TSNARE1: variants seen among roughly 807,000 people sequenced by gnomAD.
TSNARE1 encodes the protein t-SNARE domain-containing protein 1.
Under a neutral mutation model 62.0 loss-of-function variants are expected in TSNARE1, and 49 were observed. The ratio of observed to expected loss-of-function variants is 0.79; its 90% CI spans 0.63 to 1.00. The LOEUF is 1.00. TSNARE1 is among the 50% of genes least tolerant of loss of function. The probability of loss-of-function intolerance (pLI) is 0.00; values close to 1 mark genes in which losing one functional copy is unlikely to be tolerated. For synonymous variants in TSNARE1, 328 were observed against 294.4 expected, an observed-to-expected ratio of 1.11 and a Z score of -1.17; for missense variants, 755 against 700.1, an observed-to-expected ratio of 1.08 and a Z score of -0.88.
At chr8:142,212,503 G>A (rs933700161) in intron 13 of TSNARE1, among the ~76,000 whole-genome samples, 190 bp from the exon 14 acceptor site, 11 of 151,974 alleles carry the variant, frequency 7.2e-5, no homozygotes, top group African/African-American at 2.7e-4. Flanking sequence ...CCTGGCCCTG[G>A]TCAGGCTCCA....
rs139863327 is a variant in TSNARE1 at position 142,370,547 on chromosome 8, GAC to G, written c.-39-15786_-39-15785del. Among the ~76,000 whole-genome samples, 1,297 of 152,230 alleles carry G rather than the reference GAC, an allele frequency of 8.5e-3. 12 individuals carry two copies. The highest frequency in any genetic ancestry group is 0.011 in the Non-Finnish European group (726 of 68,020). On this transcript the variant is annotated intron_variant, in intron 1 of 13. Transcript: ENST00000524325. ...AGCACCACCGCACTCCAGCCTGGGGGACAGAGTGAGATCCTGTCTCAAAAACA... is the reference window on the plus strand; with the variant it reads ...AGCACCACCGCACTCCAGCCTGGGGGAGAGTGAGATCCTGTCTCAAAAACA...
intron 12 of TSNARE1, among the ~76,000 whole-genome samples, chr8:142,243,313 G>A (rs1488862773): frequency 1.3e-5 from 2 of 152,142 alleles, no homozygotes; most frequent in African/African-American, 2.4e-5. Flanking sequence ...CATGTTTATC[G>A]CTGCCCTATT....
chr8:142,292,446 G>A (rs761557097), intron 10 of TSNARE1, among the ~76,000 whole-genome samples: 3 of 152,204 alleles, frequency 2.0e-5, no homozygotes, highest in African/African-American at 4.8e-5. Context: ...AGAATTGGAC[G>A]AGGGAGACGT....
rs982825012 is a variant in TSNARE1, at chr8:142,230,604, G to A, written c.1447-1025C>T. Among the ~76,000 whole-genome samples the A allele has an allele frequency of 3.9e-5, 6 of 152,012 alleles. No individual in the cohort carries two copies. The East Asian group carries it at 1.2e-3, about 29-fold the overall frequency. On this transcript the variant is annotated intron_variant, in intron 12 of 13. Coordinates refer to ENST00000524325, the MANE Select transcript of TSNARE1 (RefSeq NM_145003.5). ...GCCTAGGGGAGGGTAGAGAAGGGAG[G>A]GTAAGATGGAACAGAGTCAAAACCA... is the stretch of plus-strand genomic sequence containing the variant.
chr8:142,304,569 G>A (rs1396257172), intron 9 of TSNARE1, among the ~76,000 whole-genome samples: 1 of 152,240 alleles, frequency 6.6e-6, no homozygotes. Flanking sequence ...TAAGGTGTGA[G>A]GGCTCAGGAA....
rs529771377 is a variant in TSNARE1, at chr8:142,223,512, CCACT to C, written c.*11+5957_*11+5960del. Among the ~76,000 whole-genome samples the C allele has an allele frequency of 1.9e-3, 253 of 135,088 alleles. 32 individuals are homozygous for C. Among genetic ancestry groups the C allele is most frequent in the Middle Eastern group, 5.7e-3 (1 of 176 alleles). The allele number at this position is 135,088 out of a possible 152,430, so 88.6% of individuals were successfully genotyped here. A position where few individuals can be genotyped will look rare whatever the true frequency, so the allele number is the denominator to read the frequency against. On this transcript the variant is annotated intron_variant, in intron 13 of 13. Transcript: ENST00000524325. The stretch of plus-strand genomic sequence containing the variant: ...CTCATTCACTCACTCACTCATTTAT[CCACT>C]CACTCACTCACTCATTCACTCATTC...
In TSNARE1 at chr8:142,229,510, T is replaced by A. The variant is rs994056730; in HGVS notation, c.1516A>T (p.Ile506Phe). The A allele has an allele frequency of 1.2e-6, 2 of 1,613,902 alleles. No homozygotes were observed. The highest frequency in any genetic ancestry group is 2.2e-5 in the East Asian group (1 of 44,876). The part of the protein sequence containing the change: ...GVTALLVIII[I>F]IATSVRK ...CACTTTCGGACAGAGGTGGCGATGA[T>A]GATGATGATGACAAGCAGGGCAGTG... The change falls in exon 13 of 14, where the codon ATC becomes TTC. Residue 506 changes from isoleucine (I) to phenylalanine (F), a missense_variant. By Grantham distance (21) the Ile-to-Phe change is conservative. Coordinates refer to ENST00000524325, the MANE Select transcript of TSNARE1 (RefSeq NM_145003.5).
intron 10 of TSNARE1, among the ~76,000 whole-genome samples, chr8:142,299,497 G>A (rs938198820): frequency 1.3e-5 from 2 of 152,246 alleles, no homozygotes; most frequent in Non-Finnish European, 2.9e-5. Context: ...AAGGTCACAC[G>A]CAGAGGCTCG....
At chr8:142,238,714 T>C (rs1180196126) in intron 12 of TSNARE1, among the ~76,000 whole-genome samples, 3 of 101,334 alleles carry the variant, frequency 3.0e-5, no homozygotes, top group African/African-American at 8.9e-5. Flanking sequence ...CATGCACACC[T>C]GCCCCTGCAC....
intron 1 of TSNARE1, among the ~76,000 whole-genome samples, chr8:142,396,246 C>T (rs1055940899): frequency 1.3e-5 from 2 of 152,128 alleles, no homozygotes; most frequent in African/African-American, 4.8e-5. Context: ...CACACACACA[C>T]ACACGCACAC....
intron 12 of TSNARE1, among the ~76,000 whole-genome samples, chr8:142,233,774 TG>T (rs1470526141): frequency 6.6e-6 from 1 of 152,200 alleles, no homozygotes; most frequent in Non-Finnish European, 1.5e-5. Flanking sequence ...CTCTGCCTGC[TG>T]GCTCTTCATC....
At chr8:142,241,727 A>C (rs955686975) in intron 12 of TSNARE1, among the ~76,000 whole-genome samples, 12 of 152,364 alleles carry the variant, frequency 7.9e-5, no homozygotes, top group Middle Eastern at 3.4e-3. Flanking sequence ...AATCTTTGGC[A>C]AAGTTGTCAC....
chr8:142,372,239 C>G (rs1835967477), intron 1 of TSNARE1, among the ~76,000 whole-genome samples: 1 of 152,236 alleles, frequency 6.6e-6, no homozygotes, highest in Non-Finnish European at 1.5e-5. Context: ...GCACGACAGA[C>G]AGAGGATGGG....
chr8:142,256,407 C>T (rs969343213), intron 12 of TSNARE1, among the ~76,000 whole-genome samples: 6 of 149,516 alleles, frequency 4.0e-5, no homozygotes, highest in African/African-American at 7.4e-5. Context: ...CCAGCAGCAA[C>T]CACCATCATT....
At chr8:142,403,785 A>C (rs934284438), upstream of TSNARE1, 1 of 152,180 alleles carries the variant, frequency 6.6e-6, no homozygotes. Context: ...GCTGAAGTGC[A>C]GAGTAGGGAG....
At chr8:142,293,996 AGGGACAGGGGCAGGGGCAGCT>A (rs371842102) in intron 10 of TSNARE1, among the ~76,000 whole-genome samples, 5 of 152,292 alleles carry the variant, frequency 3.3e-5, no homozygotes, top group African/African-American at 9.6e-5. Flanking sequence ...CTGGAGGGGC[AGGGACAGGGGCAGGGGCAGCT>A]GGGACAGGGG....
chr8:142,288,708 C>T (rs1274970471), intron 10 of TSNARE1, among the ~76,000 whole-genome samples: 1 of 152,268 alleles, frequency 6.6e-6, no homozygotes, highest in African/African-American at 2.4e-5. Context: ...TGGGCTGGGG[C>T]TGCTGCCGGG....
intron 13 of TSNARE1, among the ~76,000 whole-genome samples, chr8:142,226,777 G>T (rs751164967): frequency 6.6e-6 from 1 of 152,124 alleles, no homozygotes; most frequent in Non-Finnish European, 1.5e-5. Flanking sequence ...GAAGCAGCAG[G>T]GGTCAAGAAG....
upstream of TSNARE1, chr8:142,403,217 T>C (rs934542036): frequency 1.4e-5 from 2 of 147,810 alleles, no homozygotes; most frequent in Non-Finnish European, 3.0e-5. Context: ...GCGCGCCCCC[T>C]CCCGCACCAG....
Sources: allele counts gnomAD v4.1 joint callset (sites outside exome capture counted in the v4.1 genomes callset), GRCh38; gene constraint gnomAD v4.1.1; transcripts MANE v1.5; gene names NCBI Gene and HGNC (gene_info 2026-07-23, HGNC 2026-07-21).